NSD1: variants seen among roughly 807,000 people sequenced by gnomAD.
NSD1 encodes the protein histone-lysine N-methyltransferase, H3 lysine-36 specific.
NSD1 carries 26 observed loss-of-function variants against 242.7 expected under a neutral mutation model. The ratio of observed to expected loss-of-function variants is 0.11; its 90% CI spans 0.08 to 0.15. NSD1 has a LOEUF of 0.15. NSD1 is among the 10% of genes least tolerant of loss of function. The probability of loss-of-function intolerance (pLI) is 1.00; values close to 1 mark genes in which losing one functional copy is unlikely to be tolerated. For synonymous variants in NSD1, 1,106 were observed against 1,178.1 expected, an observed-to-expected ratio of 0.94 and a Z score of 1.25; for missense variants, 2,495 against 3,272.8, an observed-to-expected ratio of 0.76 and a Z score of 5.80.
intron 14 of NSD1, chr5:177,266,546 A>G: frequency 2.9e-6 from 2 of 684,038 alleles, no homozygotes; most frequent in Non-Finnish European, 2.4e-6. Context: ...GCCTGGCCAC[A>G]GGACACCTCC....
intron 9 of NSD1, 111 bp from the exon 10 acceptor site, chr5:177,246,567 A>C: frequency 1.3e-6 from 1 of 782,432 alleles, no homozygotes; most frequent in South Asian, 1.4e-5. Context: ...TAATCCACAA[A>C]GCTGGAGAAT....
chr5:177,196,779 A>G (rs1762130581), intron 3 of NSD1, among the ~76,000 whole-genome samples: 1 of 152,216 alleles, frequency 6.6e-6, no homozygotes, highest in African/African-American at 2.4e-5. Context: ...GAGCTTGCTG[A>G]AAAAGAATGA....
At chr5:177,185,667 T>C (rs1761051976) in intron 2 of NSD1, among the ~76,000 whole-genome samples, 1 of 119,956 alleles carries the variant, frequency 8.3e-6, no homozygotes, top group African/African-American at 3.4e-5. Context: ...ATATATATTA[T>C]ATATATATAT....
At chr5:177,208,991 G>A (rs950414453) in intron 4 of NSD1, among the ~76,000 whole-genome samples, 10 of 151,428 alleles carry the variant, frequency 6.6e-5, no homozygotes, top group African/African-American at 1.5e-4. Flanking sequence ...CCACACACCC[G>A]GCCAAGTATT....
rs1562315656 is a variant in NSD1, at chr5:177,297,452, T to C, written c.*1993T>C. On this transcript the variant is annotated 3_prime_UTR_variant, in exon 23 of 23. Transcript: ENST00000439151. ...TTATCATGTGTGAGAATAATAAATA[T>C]ATAACTGCAGCTAGTAGGTCCCTTT... 4.3e-6 allele frequency: 1 copy of C among 230,012 alleles called. No homozygotes were observed. The highest frequency in any genetic ancestry group is 2.2e-5 in the African/African-American group (1 of 45,110). 14.2% of individuals were successfully genotyped at this position (230,012 alleles called of 1,614,324 possible). A position where few individuals can be genotyped will look rare whatever the true frequency, so the allele number is the denominator to read the frequency against.
intron 2 of NSD1, among the ~76,000 whole-genome samples, chr5:177,163,304 G>C (rs1206520690): frequency 6.6e-6 from 1 of 152,042 alleles, no homozygotes; most frequent in Middle Eastern, 3.4e-3. Flanking sequence ...CACCATGCCC[G>C]GCTAATTTTT....
At chr5:177,288,335 G>A (rs1225514759) in intron 20 of NSD1, among the ~76,000 whole-genome samples, 6 of 152,156 alleles carry the variant, frequency 3.9e-5, no homozygotes, top group East Asian at 1.9e-4. Flanking sequence ...AGTCTGTGAC[G>A]TAGCTGGATC....
rs1214777875 is a variant in NSD1, at chr5:177,283,891, C to T, written c.6114C>T (p.Thr2038=). The T allele has an allele frequency of 6.2e-7, 1 of 1,614,140 alleles. No homozygotes were observed. Among genetic ancestry groups the T allele is most frequent in the Non-Finnish European group, 8.5e-7 (1 of 1,180,012 alleles). Residue 2038 remains threonine, a synonymous_variant, in exon 20 of 23, where the codon ACC becomes ACT. Transcript: ENST00000439151. The stretch of plus-strand genomic sequence containing the variant: ...AGAAGTGGTCTGTGAATGGAGATAC[C>T]CGTGTAGGCCTTTTTGCACTAAGTG... The part of the protein sequence containing the change: ...ETQKWSVNGD[T]RVGLFALSDI...
chr5:177,263,924 A>G (rs534348592), intron 14 of NSD1, among the ~76,000 whole-genome samples: 14 of 152,050 alleles, frequency 9.2e-5, no homozygotes, highest in Admixed American at 3.3e-4. Context: ...CAGTTTGACA[A>G]TTTCTTAGTA....
chr5:177,147,778 T>C (rs1232741762), intron 2 of NSD1, among the ~76,000 whole-genome samples: 3 of 151,954 alleles, frequency 2.0e-5, no homozygotes, highest in Non-Finnish European at 4.4e-5. Flanking sequence ...TTAGTAGAGA[T>C]GGGGTTTCAC....
intron 2 of NSD1, among the ~76,000 whole-genome samples, chr5:177,143,992 C>G (rs1430249137): frequency 6.6e-6 from 1 of 151,924 alleles, no homozygotes; most frequent in East Asian, 1.9e-4. Flanking sequence ...CCACGTTGGC[C>G]AGGCTGGTCG....
intron 2 of NSD1, among the ~76,000 whole-genome samples, chr5:177,186,017 TATA>T (rs1237543549): frequency 4.0e-5 from 4 of 99,756 alleles, no homozygotes; most frequent in East Asian, 5.1e-4. Context: ...TATTATATAT[TATA>T]TATTATATAT....
At chr5:177,165,910 C>CT (rs35871946) in intron 2 of NSD1, among the ~76,000 whole-genome samples, 41,543 of 134,016 alleles carry the variant, frequency 0.31, 9,341 homozygotes, top group African/African-American at 0.62. Flanking sequence ...AGCCCACAAT[C>CT]TTTTTTTTTT....
intron 12 of NSD1, among the ~76,000 whole-genome samples, chr5:177,252,825 G>T (rs570528880): frequency 7.1e-4 from 100 of 140,484 alleles, no homozygotes; most frequent in African/African-American, 2.5e-3. Context: ...TTAGCATGAT[G>T]TGTAGATGTT....
At chr5:177,242,337 A>C (rs1765938216) in intron 8 of NSD1, among the ~76,000 whole-genome samples, 1 of 152,102 alleles carries the variant, frequency 6.6e-6, no homozygotes, top group South Asian at 2.1e-4. Context: ...TGAATTGGAT[A>C]CCTGACATTT....
intron 14 of NSD1, chr5:177,266,511 G>C (rs183040116): frequency 4.8e-6 from 3 of 627,302 alleles, no homozygotes; most frequent in African/African-American, 1.8e-5. Context: ...TCATGCCCTC[G>C]ACGTTCGGCT....
At chr5:177,255,431 G>T (rs1355139206) in intron 12 of NSD1, among the ~76,000 whole-genome samples, 1 of 152,094 alleles carries the variant, frequency 6.6e-6, no homozygotes, top group East Asian at 1.9e-4. Context: ...AGATAAAATG[G>T]ATGATTTGAA....
At chr5:177,157,555 C>T (rs1231212482) in intron 2 of NSD1, among the ~76,000 whole-genome samples, 1 of 151,784 alleles carries the variant, frequency 6.6e-6, no homozygotes. Context: ...AAAAATTAGC[C>T]CGGTGTGGTG....
chr5:177,258,685 G>A (rs879671464), intron 13 of NSD1, among the ~76,000 whole-genome samples: 1 of 152,010 alleles, frequency 6.6e-6, no homozygotes, highest in Admixed American at 6.6e-5. Flanking sequence ...ACAGGCACAT[G>A]CCACCATGCC....
Sources: gnomAD v4.1 joint callset for allele counts (sites outside exome capture counted in the v4.1 genomes callset) on GRCh38, gnomAD v4.1.1 for gene constraint, MANE v1.5 for transcripts, NCBI Gene and HGNC (gene_info 2026-07-23, HGNC 2026-07-21) for gene names.